The following PDE1C variants were observed in gnomAD, a reference collection of about 807,000 sequenced individuals.
PDE1C encodes the protein phosphodiesterase 1C.
Under a neutral mutation model 93.1 loss-of-function variants are expected in PDE1C, and 62 were observed. The ratio of observed to expected loss-of-function variants is 0.67; its 90% CI spans 0.54 to 0.82. The LOEUF is 0.82. PDE1C is among the 40% of genes least tolerant of loss of function. The pLI is 0.00. For missense variants in PDE1C, 742 were observed against 884.6 expected, an observed-to-expected ratio of 0.84 and a Z score of 2.04; for synonymous variants, 325 against 310.1, an observed-to-expected ratio of 1.05 and a Z score of -0.50.
chr7:31,645,318 G>C, the PDE1C span, among the ~76,000 whole-genome samples: 1 of 152,186 alleles, frequency 6.6e-6, no homozygotes, highest in Admixed American at 6.5e-5. Flanking sequence ...GTGATGTAAA[G>C]AGAGTGATTA....
At chr7:32,060,943 C>T (rs921627567) in intron 1 of PDE1C, among the ~76,000 whole-genome samples, 2 of 152,148 alleles carry the variant, frequency 1.3e-5, no homozygotes, top group African/African-American at 2.4e-5. Flanking sequence ...TTTTGTGGGT[C>T]ATCCTTAGAC....
In PDE1C at chr7:32,096,654, G is replaced by A. The variant is rs143723104; in HGVS notation, c.308+73131C>T. On this transcript the variant is annotated intron_variant, in intron 3 of 18. Coordinates refer to the PDE1C transcript ENST00000396193. ...AATTAAAACATGTCTTAAAATTATT[G>A]TGTTTCTATGGCATGGAAAACATCC... Among the ~76,000 whole-genome samples the A allele has an allele frequency of 8.1e-3, 1,230 of 152,184 alleles. 15 individuals carry two copies. Among genetic ancestry groups the A allele is most frequent in the African/African-American group, 0.028 (1,160 of 41,500 alleles).
At chr7:32,165,697 C>T (rs1034201686) in intron 3 of PDE1C, among the ~76,000 whole-genome samples, 3 of 152,310 alleles carry the variant, frequency 2.0e-5, no homozygotes, top group Middle Eastern at 3.4e-3. Context: ...CTTCCCTTGA[C>T]ACATGGGATT....
intron 1 of PDE1C, among the ~76,000 whole-genome samples, chr7:32,264,242 G>A (rs1810416700): frequency 6.6e-6 from 1 of 152,152 alleles, no homozygotes; most frequent in Non-Finnish European, 1.5e-5. Context: ...GAGGAGTTAT[G>A]CAAGATAATG....
intron 2 of PDE1C, among the ~76,000 whole-genome samples, chr7:32,183,315 G>C (rs1803576712): frequency 6.6e-6 from 1 of 152,128 alleles, no homozygotes; most frequent in African/African-American, 2.4e-5. Flanking sequence ...AACTTCAGGT[G>C]GAACCAAAAA....
intron 17 of PDE1C, among the ~76,000 whole-genome samples, chr7:31,766,277 G>A (rs1473663942): frequency 2.0e-5 from 3 of 151,890 alleles, no homozygotes; most frequent in Non-Finnish European, 4.4e-5. Context: ...CCAGCTACTC[G>A]GGAAGCTGAG....
At chr7:31,794,713 CTG>C (rs1316451911) in intron 16 of PDE1C, among the ~76,000 whole-genome samples, 2 of 151,956 alleles carry the variant, frequency 1.3e-5, no homozygotes, top group African/African-American at 4.8e-5. Flanking sequence ...GTCAACATCC[CTG>C]ATTCACAGAG....
intron 1 of PDE1C, chr7:32,298,615 C>A: frequency 6.4e-7 from 1 of 1,572,710 alleles, no homozygotes; most frequent in Non-Finnish European, 8.6e-7. Context: ...GGCGTTTGCC[C>A]GAGCCAGGAG....
intron 1 of PDE1C, among the ~76,000 whole-genome samples, chr7:32,355,992 C>T (rs1445255627): frequency 1.3e-5 from 2 of 152,148 alleles, no homozygotes; most frequent in Non-Finnish European, 2.9e-5. Flanking sequence ...GGGATGTGTT[C>T]CTCATTGAGA....
At chr7:31,726,487 G>T in the PDE1C span, among the ~76,000 whole-genome samples, 1 of 152,152 alleles carries the variant, frequency 6.6e-6, no homozygotes, top group Non-Finnish European at 1.5e-5. Context: ...GCAGGCCTTG[G>T]CATTCTCCTG....
chr7:32,151,002 A>T (rs1801218159), intron 3 of PDE1C, among the ~76,000 whole-genome samples: 1 of 152,094 alleles, frequency 6.6e-6, no homozygotes, highest in Admixed American at 6.6e-5. Context: ...GTCTCTGGGG[A>T]CTCAAAAACA....
chr7:31,781,935 T>C (rs539277100), intron 16 of PDE1C, among the ~76,000 whole-genome samples: 86 of 152,262 alleles, frequency 5.6e-4, no homozygotes, highest in African/African-American at 2.0e-3. Flanking sequence ...TGAATGTGCT[T>C]TGAACTTGAA....
the PDE1C span, among the ~76,000 whole-genome samples, chr7:31,712,698 A>C: frequency 6.6e-6 from 1 of 152,156 alleles, no homozygotes; most frequent in Non-Finnish European, 1.5e-5. Flanking sequence ...TGGGAAGAAA[A>C]AGAGGTTTAA....
At chr7:31,822,496 C>G (rs1431237350) in intron 14 of PDE1C, among the ~76,000 whole-genome samples, 1 of 152,074 alleles carries the variant, frequency 6.6e-6, no homozygotes, top group Non-Finnish European at 1.5e-5. Context: ...GTTGATAGTA[C>G]CAAGGGCCAC....
chr7:31,672,845 G>A, the PDE1C span, among the ~76,000 whole-genome samples: 2 of 152,138 alleles, frequency 1.3e-5, no homozygotes, highest in Non-Finnish European at 1.5e-5. Flanking sequence ...CCCATGTGTC[G>A]ATGGAGAGAC....
intron 3 of PDE1C, among the ~76,000 whole-genome samples, chr7:32,105,299 A>G (rs1369773633): frequency 6.6e-6 from 1 of 152,184 alleles, no homozygotes; most frequent in Non-Finnish European, 1.5e-5. Context: ...AATATTTAGG[A>G]ACCTGACAAG....
chr7:32,403,125 C>T (rs452772), intron 1 of PDE1C, among the ~76,000 whole-genome samples: 98,673 of 152,038 alleles, frequency 0.65, 32,561 homozygotes, highest in East Asian at 0.94. Flanking sequence ...CATGATCATC[C>T]CACGAATTTC....
intron 1 of PDE1C, among the ~76,000 whole-genome samples, chr7:32,370,244 T>C (rs190852051): frequency 5.9e-4 from 89 of 152,124 alleles, no homozygotes; most frequent in African/African-American, 2.0e-3. Flanking sequence ...GGTCAGGAGA[T>C]CGAGACCATC....
In PDE1C at chr7:31,850,670, T is replaced by A; in HGVS notation, c.822A>T (p.Gly274=). 1 of 1,613,318 alleles carries A rather than the reference T, an allele frequency of 6.2e-7. No individual in the cohort carries two copies. ...TCTGAATGTGGAAATTGTTGGTGGT[T>A]CCGGTATGCTCGTAGTCATGGATGG... ...SAAIHDYEHT[G]TTNNFHIQTR... Residue 274 remains glycine (G), a synonymous_variant, in exon 8 of 18, where the codon GGA becomes GGT. Coordinates refer to ENST00000396191, the MANE Select transcript of PDE1C (RefSeq NM_001191057.4).
Sources: allele counts gnomAD v4.1 joint callset (sites outside exome capture counted in the v4.1 genomes callset), GRCh38; gene constraint gnomAD v4.1.1; transcripts MANE v1.5; gene names NCBI Gene and HGNC (gene_info 2026-07-23, HGNC 2026-07-21).